The following INPP5D variants were observed in gnomAD, a reference collection of about 807,000 sequenced individuals.
INPP5D encodes phosphatidylinositol 3,4,5-trisphosphate 5-phosphatase 1.
In INPP5D, 33 loss-of-function variants were observed where a neutral mutation model predicts 122.9. The ratio of observed to expected loss-of-function variants is 0.27; its 90% CI spans 0.20 to 0.36. INPP5D has a LOEUF of 0.36. Ranked by LOEUF, INPP5D falls within the 10% of genes least tolerant of loss-of-function variation. The pLI is 1.00. For missense variants in INPP5D, 1,053 were observed against 1,412.7 expected (o/e 0.75, Z 4.08); for synonymous variants, 584 against 576.2 (o/e 1.01, Z -0.19).
In INPP5D at chr2:233,204,456, C is replaced by T. The variant is rs1402084790; in HGVS notation, c.3306C>T (p.Ser1102=). The change falls in exon 26 of 27, where the codon AGC becomes AGT. Residue 1102 remains serine, a synonymous_variant. Transcript: ENST00000445964. ...AEGRAAGGDK[S]QGKPKTPVSS... Reference sequence around the variant, plus strand: ...GCAGGGCGGCCGGCGGGGACAAGAGCCAAGGGAAGCCCAAGACCCCGGTCA... The same window carrying T: ...GCAGGGCGGCCGGCGGGGACAAGAGTCAAGGGAAGCCCAAGACCCCGGTCA... 6.3e-7 allele frequency: 1 copy of T among 1,596,590 alleles called. No homozygotes were observed. Among genetic ancestry groups the T allele is most frequent in the Admixed American group, 1.7e-5 (1 of 57,480 alleles).
At chr2:233,180,374 C>T (rs1265918454) in intron 18 of INPP5D, among the ~76,000 whole-genome samples, 3 of 151,492 alleles carry the variant, frequency 2.0e-5, no homozygotes, top group Non-Finnish European at 4.4e-5. Flanking sequence ...AAAAAAAAAA[C>T]CCTGCTCGTC....
intron 2 of INPP5D, among the ~76,000 whole-genome samples, chr2:233,080,384 C>T (rs1292208767): frequency 6.6e-6 from 1 of 151,950 alleles, no homozygotes; most frequent in Non-Finnish European, 1.5e-5. Context: ...ACATGAAGAG[C>T]ACATGGAGGT....
At position 233,164,874 on chromosome 2, in the gene INPP5D, T is replaced by C. The variant is rs1266576538; in HGVS notation, c.1555+450T>C. 6.6e-6 allele frequency among the ~76,000 whole-genome samples: 1 copy of C among 151,792 alleles called. No individual in the cohort carries two copies. On this transcript the variant is annotated intron_variant, in intron 13 of 26. Transcript: ENST00000445964. This position sits in a 1 kb window ranked among gnomAD's most constrained non-coding sequence, Gnocchi z 4.3. ...TGCCTTTCTGGTGGGAAAGCAGCCA[T>C]AGGCAACCCAGAAAGCGAATGGGAG... is the stretch of plus-strand genomic sequence containing the variant.
intron 22 of INPP5D, 138 bp from the exon 23 acceptor site, chr2:233,193,673 TG>T: frequency 7.2e-7 from 1 of 1,383,858 alleles, no homozygotes. Context: ...CAAAGTACTG[TG>T]GTGTTGTTCT....
In INPP5D at chr2:233,197,991, G is replaced by A; in HGVS notation, c.2694-104G>A. The A allele has an allele frequency of 1.4e-6, 2 of 1,420,200 alleles. No homozygotes were observed. The highest frequency in any genetic ancestry group is 1.6e-5 in the South Asian group (1 of 63,758). 88.0% of individuals were successfully genotyped at this position (1,420,200 alleles called of 1,614,324 possible). On this transcript the variant is annotated intron_variant, in intron 24 of 26. Coordinates refer to ENST00000445964, the MANE Select transcript of INPP5D (RefSeq NM_001017915.3). This position sits in a 1 kb window ranked among gnomAD's most constrained non-coding sequence, Gnocchi z 4.4. ...CCAAGAGGTGAAGGAGTTGAGGAGA[G>A]CTCGAGAGAGCCCTAGGGTTATCAG...
chr2:233,119,346 A>G (rs909372937), intron 2 of INPP5D, among the ~76,000 whole-genome samples: 1 of 152,164 alleles, frequency 6.6e-6, no homozygotes, highest in Non-Finnish European at 1.5e-5. Context: ...ACAGTCTGAC[A>G]CTTTTCACGA....
chr2:233,093,668 T>G, intron 2 of INPP5D, among the ~76,000 whole-genome samples: 1 of 141,102 alleles, frequency 7.1e-6, no homozygotes, highest in African/African-American at 2.7e-5. Context: ...GGCGACAGAG[T>G]GAGACACTGT....
At chr2:233,153,393 A>G (rs1693972497) in intron 9 of INPP5D, among the ~76,000 whole-genome samples, 1 of 152,200 alleles carries the variant, frequency 6.6e-6, no homozygotes, top group African/African-American at 2.4e-5. Context: ...TGATGGTTAA[A>G]TGCATGCTCT....
chr2:233,098,965 T>TTTATTTATTTATTTATTTA (rs1417844923), intron 2 of INPP5D, among the ~76,000 whole-genome samples: 1 of 151,706 alleles, frequency 6.6e-6, no homozygotes, highest in East Asian at 1.9e-4. Flanking sequence ...TATTTATTTA[T>TTTATTTATTTATTTATTTA]TTTTGAGACA....
At chr2:233,089,117 G>A (rs1010157375) in intron 2 of INPP5D, among the ~76,000 whole-genome samples, 9 of 152,166 alleles carry the variant, frequency 5.9e-5, no homozygotes, top group African/African-American at 1.9e-4. Flanking sequence ...AGACAGAGGC[G>A]GGGTGAGGGC....
chr2:233,202,340 G>A lies in INPP5D; in HGVS notation c.2976-1786G>A, dbSNP rs566099142. On this transcript the variant is annotated intron_variant, in intron 25 of 26. Coordinates refer to ENST00000445964, the MANE Select transcript of INPP5D (RefSeq NM_001017915.3). ...CAGAAGAGGGCTGAACATGGAGGGG[G>A]CCCTTTCCAAAGTCCTTGTTTGAGG... 1.8e-3 allele frequency among the ~76,000 whole-genome samples: 272 copies of A among 152,326 alleles called. 1 individual carries two copies. Among genetic ancestry groups the A allele is most frequent in the African/African-American group, 5.8e-3 (240 of 41,566 alleles).
intron 2 of INPP5D, among the ~76,000 whole-genome samples, chr2:233,114,032 TC>T (rs1256174137): frequency 1.3e-5 from 2 of 151,188 alleles, no homozygotes; most frequent in Non-Finnish European, 2.9e-5. Context: ...TGCTTCAGCC[TC>T]CCAAGTAGCT....
intron 2 of INPP5D, among the ~76,000 whole-genome samples, chr2:233,086,265 G>A (rs970296518): frequency 6.6e-5 from 10 of 151,430 alleles, no homozygotes; most frequent in South Asian, 2.1e-4. Flanking sequence ...CACAACCTCC[G>A]CCTCCTGGGT....
intron 5 of INPP5D, among the ~76,000 whole-genome samples, chr2:233,134,550 C>G (rs1693415311): frequency 6.6e-6 from 1 of 152,004 alleles, no homozygotes; most frequent in East Asian, 1.9e-4. Context: ...TGACGATGTC[C>G]CCGTGCGGGT....
Position 233,206,033 on chromosome 2 carries a change from C to T in INPP5D, c.3568-673C>T, listed in dbSNP as rs1695491497. Among the ~76,000 whole-genome samples the T allele has an allele frequency of 6.6e-6, 1 of 152,002 alleles. No homozygotes were observed. Among genetic ancestry groups the T allele is most frequent in the Non-Finnish European group, 1.5e-5 (1 of 68,012 alleles). On this transcript the variant is annotated intron_variant, in intron 26 of 26. Coordinates refer to ENST00000445964, the MANE Select transcript of INPP5D (RefSeq NM_001017915.3). The surrounding 1 kb of genome is among the most constrained non-coding windows in gnomAD (Gnocchi z 4.0). ...GGCGGAGGTTGCAGTGAACCGAGAT[C>T]GCAACACTGCACTCCAGCCTGGGCG...
chr2:233,087,256 T>C (rs1691877029), intron 2 of INPP5D, among the ~76,000 whole-genome samples: 1 of 152,194 alleles, frequency 6.6e-6, no homozygotes, highest in Non-Finnish European at 1.5e-5. Context: ...CTGTTGCTCT[T>C]TAACCCCTTA....
chr2:233,124,911 G>C (rs1311982499), intron 3 of INPP5D, among the ~76,000 whole-genome samples: 1 of 152,254 alleles, frequency 6.6e-6, no homozygotes, highest in African/African-American at 2.4e-5. Flanking sequence ...GGCCTCTTGA[G>C]GCACCGCCAG....
intron 13 of INPP5D, 23 bp from the exon 14 acceptor site, chr2:233,169,279 ATTC>A (rs753351628): frequency 3.8e-6 from 6 of 1,574,582 alleles, no homozygotes; most frequent in Non-Finnish European, 5.2e-6. Context: ...TGATATTTTG[ATTC>A]TTCTTTCTGC....
At chr2:233,151,858 T>G (rs1229143310) in intron 9 of INPP5D, among the ~76,000 whole-genome samples, 2 of 152,168 alleles carry the variant, frequency 1.3e-5, no homozygotes, top group African/African-American at 4.8e-5. Flanking sequence ...GGAATAAGAA[T>G]GAATGTAATA....
Sources: allele counts gnomAD v4.1 joint callset (sites outside exome capture counted in the v4.1 genomes callset), GRCh38; gene constraint gnomAD v4.1.1; non-coding constraint Gnocchi (gnomAD v3.1); transcripts MANE v1.5; gene names NCBI Gene and HGNC (gene_info 2026-07-23, HGNC 2026-07-21).